The following NRXN1 variants were observed in gnomAD, a reference collection of about 807,000 sequenced individuals.
NRXN1 encodes neurexin 1.
In NRXN1, 39 loss-of-function variants were observed where a neutral mutation model predicts 150.9. That is an observed-to-expected ratio of 0.26 (90% CI 0.20 to 0.34). The LOEUF is 0.34. NRXN1 is among the 10% of genes least tolerant of loss of function. The pLI, the probability that NRXN1 is intolerant of heterozygous loss-of-function variation, is 1.00. For synonymous variants in NRXN1, 924 were observed against 757.0 expected (o/e 1.22, Z -3.62); for missense variants, 1,815 against 1,949.9 (o/e 0.93, Z 1.30).
chr2:50,598,644 G>A (rs1192925814), intron 8 of NRXN1, among the ~76,000 whole-genome samples: 1 of 146,506 alleles, frequency 6.8e-6, no homozygotes, highest in African/African-American at 2.5e-5. Context: ...ATATATGTGT[G>A]TGTATCTATA....
chr2:50,996,107 T>G (rs373485149), intron 2 of NRXN1, among the ~76,000 whole-genome samples: 1 of 152,118 alleles, frequency 6.6e-6, no homozygotes, highest in African/African-American at 2.4e-5. Context: ...TGGAAAATAC[T>G]GAGCTCCCAT....
chr2:51,029,772 C>T (rs557159407), intron 1 of NRXN1, among the ~76,000 whole-genome samples: 1 of 152,194 alleles, frequency 6.6e-6, no homozygotes, highest in African/African-American at 2.4e-5. Flanking sequence ...AATGAATAAT[C>T]TGTTGTAAAA....
chr2:50,241,516 A>G (rs1224713919), intron 17 of NRXN1, among the ~76,000 whole-genome samples: 1 of 151,820 alleles, frequency 6.6e-6, no homozygotes, highest in Non-Finnish European at 1.5e-5. Flanking sequence ...CGCTGAATGT[A>G]TGAATGACTG....
At chr2:50,771,126 T>C (rs1471100947) in intron 5 of NRXN1, among the ~76,000 whole-genome samples, 1 of 152,028 alleles carries the variant, frequency 6.6e-6, no homozygotes, top group African/African-American at 2.4e-5. Context: ...AAAAACGGAC[T>C]GCAGATTGTA....
chr2:50,701,445 A>C (rs570958596), intron 5 of NRXN1, among the ~76,000 whole-genome samples: 2 of 152,334 alleles, frequency 1.3e-5, no homozygotes, highest in South Asian at 4.1e-4. Flanking sequence ...GCCATTTGAC[A>C]GATTAAAGCA....
chr2:50,968,844 A>G (rs1338536233), intron 2 of NRXN1, among the ~76,000 whole-genome samples: 3 of 151,998 alleles, frequency 2.0e-5, no homozygotes, highest in Non-Finnish European at 2.9e-5. Flanking sequence ...CATTTTGTCA[A>G]TTCCACTGGT....
chr2:50,468,058 A>G (rs2089091424), intron 16 of NRXN1, among the ~76,000 whole-genome samples: 1 of 151,628 alleles, frequency 6.6e-6, no homozygotes, highest in Non-Finnish European at 1.5e-5. Context: ...TGTTAAGCAA[A>G]TAAACAGGGA....
At position 50,086,845 on chromosome 2, in the gene NRXN1, A is replaced by AGAGAGAGAGAGAGAGAGAAG. The variant is rs4032305; in HGVS notation, c.3718+4477_3718+4478insCTTCTCTCTCTCTCTCTCTC. 1.4e-3 allele frequency among the ~76,000 whole-genome samples: 211 copies of AGAGAGAGAGAGAGAGAGAAG among 150,928 alleles called. 3 individuals are homozygous for AGAGAGAGAGAGAGAGAGAAG. The highest frequency in any genetic ancestry group is 5.0e-3 in the African/African-American group (201 of 40,466). ...ATGAGAGAGAGAGAGAGAGAGAGAG[A>AGAGAGAGAGAGAGAGAGAAG]GAGAGCGAGCCGAAAATGCGGGCAT... On this transcript the variant is annotated intron_variant, in intron 19 of 22. Coordinates refer to ENST00000401669, the MANE Select transcript of NRXN1 (RefSeq NM_001330078.2).
intron 18 of NRXN1, among the ~76,000 whole-genome samples, chr2:50,172,847 G>A (rs1362756693): frequency 6.6e-6 from 1 of 152,118 alleles, no homozygotes; most frequent in African/African-American, 2.4e-5. Context: ...GGCGCCTGTA[G>A]TCCCAGCCAC....
At chr2:50,949,090 T>G (rs2104565735) in intron 2 of NRXN1, among the ~76,000 whole-genome samples, 1 of 152,172 alleles carries the variant, frequency 6.6e-6, no homozygotes, top group East Asian at 1.9e-4. Flanking sequence ...AGACTGTTCT[T>G]AGGACTGTCC....
intron 5 of NRXN1, among the ~76,000 whole-genome samples, chr2:50,790,777 T>A (rs1179431546): frequency 6.6e-6 from 1 of 152,146 alleles, no homozygotes; most frequent in Non-Finnish European, 1.5e-5. Context: ...GCAGAAAAGA[T>A]ATATCACAAA....
chr2:50,725,906 G>A (rs1026039468), intron 5 of NRXN1, among the ~76,000 whole-genome samples: 1 of 151,976 alleles, frequency 6.6e-6, no homozygotes, highest in Non-Finnish European at 1.5e-5. Context: ...TGCATTATCT[G>A]GTATTTTCAT....
rs558033931 is a variant in NRXN1, at chr2:50,358,879, G to A, written c.3364+106563C>T. ...GTCCCACTGGGACGAAGCTTCCAGA[G>A]GTGGAAGCAAGCAGCAACCTTTACT... On this transcript the variant is annotated intron_variant, in intron 17 of 22. Coordinates refer to ENST00000401669, the MANE Select transcript of NRXN1 (RefSeq NM_001330078.2). Among the ~76,000 whole-genome samples, 39 of 152,354 alleles carry A rather than the reference G, an allele frequency of 2.6e-4. No homozygotes were observed. The South Asian group carries it at 3.7e-3, about 15-fold the overall frequency.
chr2:50,229,904 C>G (rs1246930820), intron 18 of NRXN1, among the ~76,000 whole-genome samples: 3 of 152,164 alleles, frequency 2.0e-5, no homozygotes, highest in African/African-American at 7.2e-5. Flanking sequence ...GTTTTGACAG[C>G]TTGGCATAAG....
intron 17 of NRXN1, among the ~76,000 whole-genome samples, chr2:50,412,963 C>T (rs113237250): frequency 0.035 from 5,375 of 152,186 alleles, 329 homozygotes; most frequent in African/African-American, 0.12. Context: ...AATCTAAGAC[C>T]TCAAACTATG....
chr2:50,148,689 G>T (rs2152769110), intron 18 of NRXN1, among the ~76,000 whole-genome samples: 1 of 151,756 alleles, frequency 6.6e-6, no homozygotes, highest in East Asian at 1.9e-4. Flanking sequence ...ATCACAAAGT[G>T]CCCCTGATGC....
intron 18 of NRXN1, among the ~76,000 whole-genome samples, chr2:50,201,989 A>G (rs780820231): frequency 1.1e-4 from 17 of 152,182 alleles, no homozygotes; most frequent in Non-Finnish European, 2.5e-4. Flanking sequence ...CTTTTATTCA[A>G]TACATTGTTA....
intron 5 of NRXN1, among the ~76,000 whole-genome samples, chr2:50,724,593 T>C (rs1559171808): frequency 6.6e-6 from 1 of 152,174 alleles, no homozygotes; most frequent in Non-Finnish European, 1.5e-5. Flanking sequence ...TATGGCTTTA[T>C]ATGGTAAAAC....
intron 20 of NRXN1, 43 bp downstream of exon 20, chr2:50,054,912 T>C: frequency 1.5e-6 from 2 of 1,341,052 alleles, no homozygotes; most frequent in Non-Finnish European, 2.0e-6. Flanking sequence ...TTGGTTATGT[T>C]CAAATTATTT....
Sources: allele counts gnomAD v4.1 joint callset (sites outside exome capture counted in the v4.1 genomes callset), GRCh38; gene constraint gnomAD v4.1.1; transcripts MANE v1.5; gene names NCBI Gene and HGNC (gene_info 2026-07-23, HGNC 2026-07-21).